DPYSL2: variants seen among roughly 807,000 people sequenced by gnomAD.
DPYSL2 encodes the protein dihydropyrimidinase-related protein 2.
A neutral mutation model predicts 69.9 loss-of-function variants in DPYSL2; 13 were observed. The ratio of observed to expected loss-of-function variants is 0.19; its 90% CI spans 0.12 to 0.30. The LOEUF is 0.30. DPYSL2 is among the 10% of genes least tolerant of loss of function. DPYSL2 has a pLI of 1.00. For missense variants in DPYSL2, 587 were observed against 918.9 expected (o/e 0.64, Z 4.67); for synonymous variants, 326 against 359.1 (o/e 0.91, Z 1.04).
intron 8 of DPYSL2, among the ~76,000 whole-genome samples, chr8:26,636,703 C>T (rs531142570): frequency 6.6e-6 from 1 of 152,152 alleles, no homozygotes; most frequent in East Asian, 1.9e-4. Context: ...ATTACCCCAA[C>T]TCAGTGCCTG....
intron 1 of DPYSL2, among the ~76,000 whole-genome samples, chr8:26,522,239 C>T (rs1808398354): frequency 6.6e-6 from 1 of 152,144 alleles, no homozygotes; most frequent in Admixed American, 6.5e-5. Context: ...ACCCAGGAGC[C>T]GGAGTTTGCA....
In DPYSL2 at chr8:26,658,163, T is replaced by C. The variant is rs1005950824; in HGVS notation, c.*2457T>C. 6.6e-6 allele frequency: 1 copy of C among 152,528 alleles called. No individual in the cohort carries two copies. The highest frequency in any genetic ancestry group is 2.4e-5 in the African/African-American group (1 of 41,406). 9.4% of individuals were successfully genotyped at this position (152,528 alleles called of 1,614,324 possible). On this transcript the variant is annotated 3_prime_UTR_variant, in exon 14 of 14. Coordinates refer to ENST00000521913, the MANE Select transcript of DPYSL2 (RefSeq NM_001197293.3). The surrounding 1 kb of genome is among the most constrained non-coding windows in gnomAD (Gnocchi z 4.7). ...CCATGGAACGCCTAATAAAGCAAAA[T>C]GTGGTTGTTTCAGGGGTGTGTCTGT... is the stretch of plus-strand genomic sequence containing the variant.
At chr8:26,537,627 C>CACACACACACACACACAT (rs1431157927) in intron 1 of DPYSL2, among the ~76,000 whole-genome samples, 2 of 151,942 alleles carry the variant, frequency 1.3e-5, no homozygotes, top group African/African-American at 4.8e-5. Flanking sequence ...CACACACACA[C>CACACACACACACACACAT]ACACACAACT....
In DPYSL2 at chr8:26,652,998, G is replaced by A. The variant is rs963158587; in HGVS notation, c.1777-234G>A. Among the ~76,000 whole-genome samples, 2 of 152,142 alleles carry A rather than the reference G, an allele frequency of 1.3e-5. No individual in the cohort carries two copies. The highest frequency in any genetic ancestry group is 4.8e-5 in the African/African-American group (2 of 41,420). On this transcript the variant is annotated intron_variant, in intron 12 of 13. Transcript: ENST00000521913. The surrounding 1 kb of genome is among the most constrained non-coding windows in gnomAD (Gnocchi z 6.3). ...ACAGGGTTTAAAGTTGAAGTGTCTT[G>A]GGGGAAAAATTGTAAGGTGTGTTAG...
Position 26,562,200 on chromosome 8 carries a change from C to T in DPYSL2, c.355-19769C>T, listed in dbSNP as rs764483614. ...CAGGGCTTGATTCCTGGCTCTGCCACGTGTGAGTTTTGGGTCCTGGGGAAA... is the reference window on the plus strand; with the variant it reads ...CAGGGCTTGATTCCTGGCTCTGCCATGTGTGAGTTTTGGGTCCTGGGGAAA... On this transcript the variant is annotated intron_variant, in intron 1 of 13. Coordinates refer to ENST00000521913, the MANE Select transcript of DPYSL2 (RefSeq NM_001197293.3). The surrounding 1 kb of genome is among the most constrained non-coding windows in gnomAD (Gnocchi z 4.9). 2.8e-4 allele frequency among the ~76,000 whole-genome samples: 42 copies of T among 152,150 alleles called. No individual in the cohort carries two copies. The highest frequency in any genetic ancestry group is 4.3e-4 in the Non-Finnish European group (29 of 68,028).
chr8:26,532,540 C>A (rs570183199), intron 1 of DPYSL2, among the ~76,000 whole-genome samples: 10 of 152,178 alleles, frequency 6.6e-5, no homozygotes, highest in Non-Finnish European at 1.3e-4. Context: ...TCTTCCACCC[C>A]TAGCCCCTGA....
chr8:26,526,132 T>C lies in DPYSL2; in HGVS notation c.354+11453T>C, dbSNP rs189751613. Among the ~76,000 whole-genome samples the C allele has an allele frequency of 1.4e-3, 220 of 152,310 alleles. 1 individual carries two copies. The highest frequency in any genetic ancestry group is 5.1e-3 in the African/African-American group (210 of 41,550). On this transcript the variant is annotated intron_variant, in intron 1 of 13. Coordinates refer to ENST00000521913, the MANE Select transcript of DPYSL2 (RefSeq NM_001197293.3). Reference sequence around the variant, plus strand: ...TTTTTCGAGATGAAGTCTTGCTGTGTCACCCAGGCTGGAGTGCAGTGGCAT... The same window carrying C: ...TTTTTCGAGATGAAGTCTTGCTGTGCCACCCAGGCTGGAGTGCAGTGGCAT...
At chr8:26,531,643 TG>T in intron 1 of DPYSL2, among the ~76,000 whole-genome samples, 1 of 152,222 alleles carries the variant, frequency 6.6e-6, no homozygotes, top group Non-Finnish European at 1.5e-5. Flanking sequence ...TTGTTCACAC[TG>T]GCCCAGAGGA....
intron 3 of DPYSL2, among the ~76,000 whole-genome samples, chr8:26,616,782 G>A (rs2129873284): frequency 6.6e-6 from 1 of 151,114 alleles, no homozygotes; most frequent in East Asian, 2.0e-4. Context: ...TGGGATTGGA[G>A]GGCTTGGTGA....
intron 1 of DPYSL2, among the ~76,000 whole-genome samples, chr8:26,518,313 C>A (rs1257615780): frequency 6.6e-6 from 1 of 152,066 alleles, no homozygotes; most frequent in Non-Finnish European, 1.5e-5. Context: ...AAACCTAAGA[C>A]CCACCCGGGT....
intron 1 of DPYSL2, among the ~76,000 whole-genome samples, chr8:26,536,559 T>C (rs1800596082): frequency 6.6e-6 from 1 of 151,950 alleles, no homozygotes; most frequent in Non-Finnish European, 1.5e-5. Context: ...TAATCTCAGC[T>C]ACTCAGGAGG....
chr8:26,598,014 A>G lies in DPYSL2; in HGVS notation c.628+14031A>G, dbSNP rs1801904340. 6.6e-6 allele frequency among the ~76,000 whole-genome samples: 1 copy of G among 152,136 alleles called. No individual in the cohort carries two copies. Among genetic ancestry groups the G allele is most frequent in the African/African-American group, 2.4e-5 (1 of 41,416 alleles). ...CTTATTAGCTCAGGCTCGGTGCCCC[A>G]CGGCTTGGTCCTGGTTTTCTGAATC... On this transcript the variant is annotated intron_variant, in intron 3 of 13. Transcript: ENST00000521913. The surrounding 1 kb of genome is among the most constrained non-coding windows in gnomAD (Gnocchi z 4.2).
rs890594025 is a variant in DPYSL2, at chr8:26,597,477, CTTTTCTTTTT to C, written c.628+13499_628+13508del. Among the ~76,000 whole-genome samples, 54 of 152,200 alleles carry C rather than the reference CTTTTCTTTTT, an allele frequency of 3.5e-4. No homozygotes were observed. Among genetic ancestry groups the C allele is most frequent in the African/African-American group, 1.2e-3 (51 of 41,544 alleles). ...CACGGGCAGATGGCATTTTTCTTTT[CTTTTCTTTTT>C]TTTTGGATACAGAGTCTCCCTCCGT... On this transcript the variant is annotated intron_variant, in intron 3 of 13. Coordinates refer to ENST00000521913, the MANE Select transcript of DPYSL2 (RefSeq NM_001197293.3). This position sits in a 1 kb window ranked among gnomAD's most constrained non-coding sequence, Gnocchi z 5.2.
chr8:26,596,283 T>G (rs1047355754), intron 3 of DPYSL2, among the ~76,000 whole-genome samples: 3 of 152,224 alleles, frequency 2.0e-5, no homozygotes, highest in Non-Finnish European at 2.9e-5. Context: ...CAGCCCTCTT[T>G]GTAGGATGAA....
At chr8:26,638,595 A>G (rs575131497) in intron 8 of DPYSL2, among the ~76,000 whole-genome samples, 2 of 152,200 alleles carry the variant, frequency 1.3e-5, no homozygotes, top group Non-Finnish European at 2.9e-5. Flanking sequence ...GTGGCTGTTC[A>G]GCAGGATGGC....
At chr8:26,616,449 C>T (rs1449311168) in intron 3 of DPYSL2, among the ~76,000 whole-genome samples, 34 of 152,164 alleles carry the variant, frequency 2.2e-4, no homozygotes, top group Admixed American at 2.2e-3. Context: ...GTGTTACTGC[C>T]TCCCTGATGG....
chr8:26,525,647 T>C (rs1332757964), intron 1 of DPYSL2, among the ~76,000 whole-genome samples: 2 of 152,248 alleles, frequency 1.3e-5, no homozygotes. Flanking sequence ...ATTGATGTTT[T>C]TACCACTTAT....
At chr8:26,545,253 A>G (rs1204472658) in intron 1 of DPYSL2, among the ~76,000 whole-genome samples, 2 of 152,248 alleles carry the variant, frequency 1.3e-5, no homozygotes, top group Admixed American at 6.5e-5. Context: ...GATAGATCAC[A>G]TATTAGGCCA....
In DPYSL2 at chr8:26,624,211, G is replaced by A. The variant is rs964924226; in HGVS notation, c.697G>A (p.Asp233Asn). 4.3e-6 allele frequency: 7 copies of A among 1,614,180 alleles called. No homozygotes were observed. Among genetic ancestry groups the A allele is most frequent in the Non-Finnish European group, 5.1e-6 (6 of 1,180,032 alleles). The change falls in exon 4 of 14, where the codon GAC (aspartate) becomes AAC (asparagine). Residue 233 changes from aspartate (D) to asparagine (N), a missense_variant. Asp to Asn is a conservative substitution (Grantham distance 23, BLOSUM62 1). This residue lies in a region of DPYSL2 where 452 missense variants were observed against 754.3 expected (regional missense o/e 0.60). Coordinates refer to ENST00000521913, the MANE Select transcript of DPYSL2 (RefSeq NM_001197293.3). This position sits in a 1 kb window ranked among gnomAD's most constrained non-coding sequence, Gnocchi z 4.7. Reference sequence around the variant, plus strand: ...CTTTGACCAGTGGAGGGAATGGGCCGACAGCAAGTCCTGCTGTGACTACTC... The same window carrying A: ...CTTTGACCAGTGGAGGGAATGGGCCAACAGCAAGTCCTGCTGTGACTACTC... ...AAFDQWREWA[D>N]SKSCCDYSLH...
Sources: allele counts gnomAD v4.1 joint callset (sites outside exome capture counted in the v4.1 genomes callset), GRCh38; gene constraint gnomAD v4.1.1; regional missense constraint gnomAD v4.1.1; non-coding constraint Gnocchi (gnomAD v3.1); transcripts MANE v1.5; gene names NCBI Gene and HGNC (gene_info 2026-07-23, HGNC 2026-07-21).